CEP57L1: variants seen among roughly 807,000 people sequenced by gnomAD.
CEP57L1 encodes centrosomal protein 57 like 1.
Under a neutral mutation model 61.0 loss-of-function variants are expected in CEP57L1, and 37 were observed. The observed-to-expected ratio is 0.61, with a 90% CI of 0.47 to 0.80. The LOEUF is 0.80. Among genes scored for constraint, CEP57L1 ranks in the 30% least tolerant of loss-of-function variants. The probability of loss-of-function intolerance (pLI) is 0.00; values close to 1 mark genes in which losing one functional copy is unlikely to be tolerated. For synonymous variants in CEP57L1, 137 were observed against 162.3 expected, an observed-to-expected ratio of 0.84 and a Z score of 1.19; for missense variants, 422 against 524.7, an observed-to-expected ratio of 0.80 and a Z score of 1.91.
chr6:109,173,632 T>C lies in CEP57L1; in HGVS notation c.*10662T>C, dbSNP rs1774507334. Among the ~76,000 whole-genome samples, 2 of 149,900 alleles carry C rather than the reference T, an allele frequency of 1.3e-5. No individual in the cohort carries two copies. Among genetic ancestry groups the C allele is most frequent in the Admixed American group, 6.7e-5 (1 of 14,998 alleles). On this transcript the variant is annotated 3_prime_UTR_variant, in exon 11 of 11. Transcript: ENST00000517392. The stretch of plus-strand genomic sequence containing the variant: ...AATTTTTTTTTTTGAGGAGACGCGG[T>C]CTCACTTTGCTGCCCAGGCTGGTCT...
chr6:109,103,205 T>C (rs1770529504), intron 1 of CEP57L1, among the ~76,000 whole-genome samples: 1 of 152,172 alleles, frequency 6.6e-6, no homozygotes, highest in Non-Finnish European at 1.5e-5. Context: ...TCAACTTAAG[T>C]TTTTAAAGGA....
rs542474635 is a variant in CEP57L1 at position 109,164,791 on chromosome 6, T to A, written c.*1821T>A. Among the ~76,000 whole-genome samples the A allele has an allele frequency of 5.9e-5, 9 of 152,070 alleles. No homozygotes were observed. The East Asian group carries it at 1.5e-3, about 26-fold the overall frequency. Reference sequence around the variant, plus strand: ...TGCTTTAAAAATTATCATTAAAAATTTAAAAACCGTCCAGGCGCGGTGGCT... The same window carrying A: ...TGCTTTAAAAATTATCATTAAAAATATAAAAACCGTCCAGGCGCGGTGGCT... On this transcript the variant is annotated 3_prime_UTR_variant, in exon 11 of 11. Coordinates refer to ENST00000517392, the MANE Select transcript of CEP57L1 (RefSeq NM_001271852.3).
intron 1 of CEP57L1, among the ~76,000 whole-genome samples, chr6:109,102,471 A>C (rs1197503557): frequency 6.6e-6 from 1 of 152,170 alleles, no homozygotes; most frequent in Non-Finnish European, 1.5e-5. Context: ...TCATTCTTTA[A>C]TAGTGTCTTT....
chr6:109,120,620 A>G (rs1772838828), intron 1 of CEP57L1, among the ~76,000 whole-genome samples: 1 of 151,796 alleles, frequency 6.6e-6, no homozygotes, highest in Non-Finnish European at 1.5e-5. Flanking sequence ...GGTTCTGTGT[A>G]ATGGGATTAT....
At chr6:109,127,810 A>G (rs1223950904) in intron 1 of CEP57L1, among the ~76,000 whole-genome samples, 1 of 148,260 alleles carries the variant, frequency 6.7e-6, no homozygotes, top group Non-Finnish European at 1.5e-5. Context: ...TTTAATTTTT[A>G]GTAGAGACGA....
intron 1 of CEP57L1, among the ~76,000 whole-genome samples, chr6:109,119,242 C>T (rs1263035966): frequency 1.3e-5 from 2 of 152,158 alleles, no homozygotes; most frequent in African/African-American, 4.8e-5. Flanking sequence ...ATTGAAGTAA[C>T]ATGGCTGGAT....
At chr6:109,122,055 G>A (rs1773034625) in intron 1 of CEP57L1, among the ~76,000 whole-genome samples, 1 of 152,154 alleles carries the variant, frequency 6.6e-6, no homozygotes, top group South Asian at 2.1e-4. Flanking sequence ...GAAATGTTTT[G>A]TAATCATTAT....
rs181173086 is a variant in CEP57L1, at chr6:109,165,943, G to A, written c.*2973G>A. On this transcript the variant is annotated 3_prime_UTR_variant, in exon 11 of 11. Transcript: ENST00000517392. Reference sequence around the variant, plus strand: ...AAAAACAGATTTGTTTGGTTTTTATGTAATTAGAAATTGAAATAATGGAAT... The same window carrying A: ...AAAAACAGATTTGTTTGGTTTTTATATAATTAGAAATTGAAATAATGGAAT... 2.0e-5 allele frequency: 3 copies of A among 152,282 alleles called. No individual in the cohort carries two copies. Among genetic ancestry groups the A allele is most frequent in the East Asian group, 1.9e-4 (1 of 5,184 alleles). 9.4% of individuals were successfully genotyped at this position (152,282 alleles called of 1,614,324 possible).
At chr6:109,112,280 A>G (rs142651269) in intron 1 of CEP57L1, among the ~76,000 whole-genome samples, 1 of 152,086 alleles carries the variant, frequency 6.6e-6, no homozygotes, top group Non-Finnish European at 1.5e-5. Flanking sequence ...GAATTTATCC[A>G]TGTCTTCTAG....
At position 109,165,284 on chromosome 6, in the gene CEP57L1, T is replaced by C. The variant is rs1363997762; in HGVS notation, c.*2314T>C. On this transcript the variant is annotated 3_prime_UTR_variant, in exon 11 of 11. Transcript: ENST00000517392. ...AGTTTCTCATCTGTAAAGTGAGGAT[T>C]ATACTAATATCTCCCTCACAGGACT... is the stretch of plus-strand genomic sequence containing the variant. 2.6e-5 allele frequency among the ~76,000 whole-genome samples: 4 copies of C among 151,970 alleles called. No individual in the cohort carries two copies. Among genetic ancestry groups the C allele is most frequent in the Non-Finnish European group, 5.9e-5 (4 of 68,002 alleles).
At chr6:109,145,808 A>G (rs1391514953) in intron 2 of CEP57L1, among the ~76,000 whole-genome samples, 1 of 151,992 alleles carries the variant, frequency 6.6e-6, no homozygotes, top group Non-Finnish European at 1.5e-5. Flanking sequence ...CAGAGTAACT[A>G]CAAAATACTA....
In CEP57L1 at chr6:109,150,219, A is replaced by T; in HGVS notation, c.442A>T (p.Asn148Tyr). The change falls in exon 4 of 11, where the codon AAC becomes TAC. Residue 148 changes from asparagine to tyrosine, a missense_variant. By Grantham distance (143) the Asn-to-Tyr change is moderately radical. Coordinates refer to ENST00000517392, the MANE Select transcript of CEP57L1 (RefSeq NM_001271852.3). ...RMVLNVEREK[N>Y]MILEQQAQLQ... Reference sequence around the variant, plus strand: ...GGTTCTCAACGTAGAGCGAGAAAAGAACATGATCCTAGAACAACAGGTGAG... The same window carrying T: ...GGTTCTCAACGTAGAGCGAGAAAAGTACATGATCCTAGAACAACAGGTGAG... 6.2e-7 allele frequency: 1 copy of T among 1,602,986 alleles called. No homozygotes were observed. Among genetic ancestry groups the T allele is most frequent in the Non-Finnish European group, 8.5e-7 (1 of 1,170,358 alleles).
chr6:109,116,562 A>C (rs544883042), intron 1 of CEP57L1, among the ~76,000 whole-genome samples: 2 of 152,186 alleles, frequency 1.3e-5, no homozygotes, highest in Non-Finnish European at 2.9e-5. Flanking sequence ...GTACAGTTTC[A>C]ATCTTTTTCT....
intron 1 of CEP57L1, among the ~76,000 whole-genome samples, chr6:109,110,622 T>C (rs1012722474): frequency 6.6e-6 from 1 of 152,214 alleles, no homozygotes. Flanking sequence ...CTGAATGGTA[T>C]TGCCTAGGTT....
chr6:109,101,987 G>T (rs1019652591), intron 1 of CEP57L1, among the ~76,000 whole-genome samples: 1 of 152,198 alleles, frequency 6.6e-6, no homozygotes, highest in African/African-American at 2.4e-5. Context: ...TTCCTGTTGC[G>T]CCCCACCTTT....
chr6:109,121,721 G>A (rs1055828234), intron 1 of CEP57L1, among the ~76,000 whole-genome samples: 28 of 152,260 alleles, frequency 1.8e-4, no homozygotes, highest in Non-Finnish European at 3.4e-4. Context: ...ACAGGTATTA[G>A]TGGTCTGATC....
chr6:109,127,861 C>T lies in CEP57L1; in HGVS notation c.-3-17358C>T, dbSNP rs543254851. Among the ~76,000 whole-genome samples, 6 of 151,932 alleles carry T rather than the reference C, an allele frequency of 3.9e-5. No individual in the cohort carries two copies. The East Asian group carries it at 1.2e-3, about 29-fold the overall frequency. Reference sequence around the variant, plus strand: ...GCCAGGATGGTCTCAATCTGCTGACCTCGTGATCCGCCCGCCTCGGCCTCC... The same window carrying T: ...GCCAGGATGGTCTCAATCTGCTGACTTCGTGATCCGCCCGCCTCGGCCTCC... On this transcript the variant is annotated intron_variant, in intron 1 of 10. Transcript: ENST00000517392.
At chr6:109,147,500 A>G (rs1291239868) in intron 3 of CEP57L1, among the ~76,000 whole-genome samples, 1 of 152,196 alleles carries the variant, frequency 6.6e-6, no homozygotes, top group Non-Finnish European at 1.5e-5. Flanking sequence ...TCAAAACTTA[A>G]GACTTTCTTT....
intron 1 of CEP57L1, among the ~76,000 whole-genome samples, chr6:109,099,418 A>T (rs1287507709): frequency 1.3e-5 from 2 of 152,228 alleles, no homozygotes; most frequent in African/African-American, 4.8e-5. Flanking sequence ...TGTAGGTCAA[A>T]TGAGATGAGG....
Sources: allele counts gnomAD v4.1 joint callset (sites outside exome capture counted in the v4.1 genomes callset), GRCh38; gene constraint gnomAD v4.1.1; transcripts MANE v1.5; gene names NCBI Gene and HGNC (gene_info 2026-07-23, HGNC 2026-07-21).